SEL1L3: variants seen among roughly 807,000 people sequenced by gnomAD.
SEL1L3 encodes SEL1L family member 3, also known as protein sel-1 homolog 3.
In SEL1L3, 76 loss-of-function variants were observed where a neutral mutation model predicts 142.8. The ratio of observed to expected loss-of-function variants is 0.53; its 90% CI spans 0.44 to 0.64. SEL1L3 has a LOEUF of 0.64. Ranked by LOEUF, SEL1L3 falls within the 30% of genes least tolerant of loss-of-function variation. SEL1L3 has a pLI of 0.00. For missense variants in SEL1L3, 1,262 were observed against 1,381.7 expected, an observed-to-expected ratio of 0.91 and a Z score of 1.37; for synonymous variants, 504 against 519.6, an observed-to-expected ratio of 0.97 and a Z score of 0.41.
At chr4:25,740,430 C>T in the SEL1L3 span, among the ~76,000 whole-genome samples, 2 of 118,590 alleles carry the variant, frequency 1.7e-5, no homozygotes, top group Admixed American at 8.6e-5. Context: ...GAGACTCCAT[C>T]TCAAAAAAAA....
At chr4:25,819,695 G>T in intron 8 of SEL1L3, 113 bp downstream of exon 8, 1 of 953,764 alleles carries the variant, frequency 1.0e-6, no homozygotes, top group Non-Finnish European at 1.5e-6. Flanking sequence ...GTCCCATCTG[G>T]TATCTGAGCC....
the SEL1L3 span, among the ~76,000 whole-genome samples, chr4:25,740,877 T>A: frequency 6.8e-6 from 1 of 147,394 alleles, no homozygotes; most frequent in Non-Finnish European, 1.5e-5. Flanking sequence ...CTCTGCCTCC[T>A]GGGTTCAAGG....
rs542773398 is a variant in SEL1L3, at chr4:25,855,862, C to T, written c.162+6813G>A. Among the ~76,000 whole-genome samples, 5 of 152,262 alleles carry T rather than the reference C, an allele frequency of 3.3e-5. No individual in the cohort carries two copies. In the South Asian group the frequency reaches 1.0e-3, roughly 32 times the overall value. On this transcript the variant is annotated intron_variant, in intron 1 of 23. Transcript: ENST00000399878. Reference sequence around the variant, plus strand: ...CAAATGACTTGATCAGTTTTGAGTCCCCACTGCCTTCTTCTTATACTCGTA... The same window carrying T: ...CAAATGACTTGATCAGTTTTGAGTCTCCACTGCCTTCTTCTTATACTCGTA...
the SEL1L3 span, among the ~76,000 whole-genome samples, chr4:25,742,262 T>C: frequency 1.3e-5 from 2 of 152,084 alleles, no homozygotes; most frequent in African/African-American, 2.4e-5. Flanking sequence ...CTTGGCTCAT[T>C]GCAGCCTCGA....
rs1201532441 is a variant in SEL1L3 at position 25,818,180 on chromosome 4, G to A, written c.1522C>T (p.Pro508Ser). 4 of 1,610,330 alleles carry A rather than the reference G, an allele frequency of 2.5e-6. No individual in the cohort carries two copies. Among genetic ancestry groups the A allele is most frequent in the Non-Finnish European group, 3.4e-6 (4 of 1,178,330 alleles). ...PWEKELKDKH[P>S]SLFQALLEMD... ...TCCAGCAATGCCTGGAACAAGCTGG[G>A]GTGTTTGTCTTTCAGCTCCTTCTCC... Residue 508 changes from proline to serine, a missense_variant, in exon 9 of 24, where the codon CCC (proline) becomes TCC (serine). Physicochemically the swap from Pro to Ser is moderately conservative, Grantham distance 74. This residue lies in a region of SEL1L3 where 689 missense variants were observed against 692.8 expected (regional missense o/e 0.99). Coordinates refer to ENST00000399878, the MANE Select transcript of SEL1L3 (RefSeq NM_015187.5).
the SEL1L3 span, among the ~76,000 whole-genome samples, chr4:25,740,432 CAA>C: frequency 1.2e-3 from 151 of 122,106 alleles, no homozygotes; most frequent in Non-Finnish European, 1.3e-3. Context: ...GACTCCATCT[CAA>C]AAAAAAAAAA....
At chr4:25,802,143 G>C in intron 11 of SEL1L3, 140 bp downstream of exon 11, 2 of 665,968 alleles carry the variant, frequency 3.0e-6, no homozygotes, top group East Asian at 2.8e-5. Context: ...AGGAAATGGA[G>C]AGCGCAAGAC....
At chr4:25,750,113 A>G (rs1185622101) in intron 23 of SEL1L3, among the ~76,000 whole-genome samples, 3 of 152,036 alleles carry the variant, frequency 2.0e-5, no homozygotes, top group Non-Finnish European at 4.4e-5. Context: ...ACGTGCCTGT[A>G]ATCCCAGCTA....
At chr4:25,816,797 G>A (rs756098563) in intron 9 of SEL1L3, among the ~76,000 whole-genome samples, 1 of 152,080 alleles carries the variant, frequency 6.6e-6, no homozygotes, top group Non-Finnish European at 1.5e-5. Flanking sequence ...ACCATCATGC[G>A]ACATGCTGTG....
intron 10 of SEL1L3, 67 bp from the exon 11 acceptor site, chr4:25,802,529 A>C: frequency 7.2e-7 from 1 of 1,379,362 alleles, no homozygotes; most frequent in Non-Finnish European, 1.0e-6. Context: ...CTAACACTGA[A>C]AGGTTGTCAG....
At chr4:25,829,459 A>G (rs897283750) in intron 6 of SEL1L3, among the ~76,000 whole-genome samples, 1 of 152,210 alleles carries the variant, frequency 6.6e-6, no homozygotes, top group African/African-American at 2.4e-5. Flanking sequence ...CTATATACAT[A>G]TATTATCTAG....
the SEL1L3 span, among the ~76,000 whole-genome samples, chr4:25,722,205 T>G: frequency 6.6e-6 from 1 of 152,110 alleles, no homozygotes; most frequent in Non-Finnish European, 1.5e-5. Context: ...TAATGGAAGA[T>G]GAGTTATTTT....
At chr4:25,807,848 AC>A (rs746929271) in intron 9 of SEL1L3, among the ~76,000 whole-genome samples, 1 of 152,156 alleles carries the variant, frequency 6.6e-6, no homozygotes, top group African/African-American at 2.4e-5. Context: ...CACAAAAAAA[AC>A]TTTGCAGGTT....
chr4:25,810,269 C>A (rs909670063), intron 9 of SEL1L3, among the ~76,000 whole-genome samples: 2 of 152,106 alleles, frequency 1.3e-5, no homozygotes, highest in Non-Finnish European at 2.9e-5. Context: ...CTGCCCAGCT[C>A]CCCCCTCCCC....
At chr4:25,821,566 CT>C (rs1199215435) in intron 7 of SEL1L3, among the ~76,000 whole-genome samples, 2 of 152,228 alleles carry the variant, frequency 1.3e-5, no homozygotes, top group African/African-American at 4.8e-5. Flanking sequence ...CCAGCGTGAG[CT>C]GAAGGCCTGT....
chr4:25,733,074 T>C, the SEL1L3 span, among the ~76,000 whole-genome samples: 4 of 150,554 alleles, frequency 2.7e-5, no homozygotes, highest in Admixed American at 6.7e-5. Flanking sequence ...TTTTTTTTTT[T>C]TCCCAACTGG....
Position 25,784,292 on chromosome 4 carries a change from T to C in SEL1L3, c.2218-2A>G. The C allele has an allele frequency of 6.2e-7, 1 of 1,611,512 alleles. No individual in the cohort carries two copies. The highest frequency in any genetic ancestry group is 8.5e-7 in the Non-Finnish European group (1 of 1,177,644). On this transcript the variant is annotated splice_acceptor_variant, in intron 13 of 23. Transcript: ENST00000399878. LOFTEE classifies it high-confidence loss of function. ...TCTGTTCTTTTTTACTCCTTGACCC[T>C]AAACATTGATAAACAGCGATGATTA...
chr4:25,768,902 G>C (rs11727253), intron 17 of SEL1L3, among the ~76,000 whole-genome samples: 30,669 of 150,384 alleles, frequency 0.2, 3,397 homozygotes, highest in Middle Eastern at 0.28. Flanking sequence ...TATACATGCA[G>C]ATACAAATAA....
intron 13 of SEL1L3, among the ~76,000 whole-genome samples, chr4:25,786,731 T>C (rs577163874): frequency 1.3e-5 from 2 of 152,342 alleles, no homozygotes; most frequent in East Asian, 3.9e-4. Flanking sequence ...CTGAATGGAA[T>C]GGATGCTTAT....
Sources: gnomAD v4.1 joint callset for allele counts (sites outside exome capture counted in the v4.1 genomes callset) on GRCh38, gnomAD v4.1.1 for gene constraint, gnomAD v4.1.1 regional missense constraint, MANE v1.5 for transcripts, NCBI Gene and HGNC (gene_info 2026-07-23, HGNC 2026-07-21) for gene names.